Variants in TRIM51G observed in about 807,000 individuals in gnomAD.
TRIM51G encodes tripartite motif-containing protein 51G.
At chr11:48,978,169 A>C in the TRIM51G span, 1 of 532,080 alleles carries the variant, frequency 1.9e-6, no homozygotes, top group Non-Finnish European at 3.9e-6. Context: ...GACTGTAAAA[A>C]AAATAGAAAG....
chr11:48,980,825 T>A, the TRIM51G span: 2 of 426,818 alleles, frequency 4.7e-6, no homozygotes, highest in South Asian at 3.6e-5. Context: ...ACATTATGGG[T>A]TGAGATCAAG....
the TRIM51G span, chr11:48,978,795 G>T: frequency 1.4e-6 from 1 of 698,388 alleles, no homozygotes; most frequent in South Asian, 1.6e-5. Context: ...TAAAGGGGGA[G>T]ACGGATTTCA....
At chr11:48,975,883 G>C in the TRIM51G span, 1 of 840,850 alleles carries the variant, frequency 1.2e-6, no homozygotes, top group Non-Finnish European at 2.0e-6. Context: ...AAAACATTCA[G>C]ATTTATCAGT....
chr11:48,980,838 C>T, the TRIM51G span: 27 of 437,586 alleles, frequency 6.2e-5, no homozygotes, highest in Middle Eastern at 3.5e-4. Flanking sequence ...AGATCAAGTT[C>T]CTATTTTAAG....
At chr11:48,983,677 C>G in the TRIM51G span, among the ~76,000 whole-genome samples, 1 of 151,644 alleles carries the variant, frequency 6.6e-6, no homozygotes, top group African/African-American at 2.4e-5. Flanking sequence ...ATATTTTTAT[C>G]ACTGTAATTT....
At chr11:48,975,716 CAAG>C in the TRIM51G span, 1 of 1,550,016 alleles carries the variant, frequency 6.5e-7, no homozygotes. Context: ...TTAACACATC[CAAG>C]AAGAAAGAGT....
the TRIM51G span, chr11:48,978,928 C>A: frequency 2.5e-6 from 4 of 1,587,098 alleles, no homozygotes; most frequent in African/African-American, 5.4e-5. Flanking sequence ...TCATACATTC[C>A]TCTTAAAAGC....
chr11:48,981,348 G>A, the TRIM51G span: 2 of 1,607,388 alleles, frequency 1.2e-6, no homozygotes, highest in South Asian at 1.1e-5. Flanking sequence ...CCTGAGAGTT[G>A]GAGCACAGCA....
the TRIM51G span, chr11:48,981,366 C>A: frequency 6.2e-7 from 1 of 1,607,586 alleles, no homozygotes; most frequent in Non-Finnish European, 8.5e-7. Flanking sequence ...GCAAACAGAG[C>A]AGGCTCTTGT....
At chr11:48,981,500 T>C in the TRIM51G span, 1 of 1,606,232 alleles carries the variant, frequency 6.2e-7, no homozygotes, top group South Asian at 1.1e-5. Flanking sequence ...CAAATGTTAG[T>C]TTTGAGGTTT....
At chr11:48,978,572 T>C in the TRIM51G span, among the ~76,000 whole-genome samples, 3 of 152,310 alleles carry the variant, frequency 2.0e-5, no homozygotes, top group African/African-American at 4.8e-5. Flanking sequence ...CTTCTCATTT[T>C]ATCTACTTTC....
the TRIM51G span, chr11:48,978,823 C>T: frequency 3.6e-6 from 3 of 837,052 alleles, no homozygotes; most frequent in Non-Finnish European, 6.2e-6. Flanking sequence ...GGTAAAACAC[C>T]CATCCACTTG....
At chr11:48,979,552 G>A in the TRIM51G span, among the ~76,000 whole-genome samples, 2 of 151,956 alleles carry the variant, frequency 1.3e-5, no homozygotes, top group Non-Finnish European at 2.9e-5. Flanking sequence ...TTCTAAAAAG[G>A]TTTCATTTAT....
chr11:48,976,777 T>C, the TRIM51G span, among the ~76,000 whole-genome samples: 1 of 152,140 alleles, frequency 6.6e-6, no homozygotes, highest in African/African-American at 2.4e-5. Flanking sequence ...TATGTAACCT[T>C]GGATTATTAA....
At chr11:48,983,033 C>T in the TRIM51G span, among the ~76,000 whole-genome samples, 1 of 91,762 alleles carries the variant, frequency 1.1e-5, no homozygotes, top group African/African-American at 4.1e-5. Flanking sequence ...GAACCCTGAC[C>T]AATACAAACT....
chr11:48,975,844 G>T, the TRIM51G span: 3 of 1,240,310 alleles, frequency 2.4e-6, no homozygotes, highest in Middle Eastern at 1.9e-4. Context: ...AAATTTGCCA[G>T]ATATGAAAAA....
the TRIM51G span, among the ~76,000 whole-genome samples, chr11:48,979,831 C>A: frequency 6.8e-6 from 1 of 146,410 alleles, no homozygotes; most frequent in Non-Finnish European, 1.5e-5. Context: ...TATACACTGA[C>A]ACCCAGATAC....
chr11:48,977,472 A>G, the TRIM51G span, among the ~76,000 whole-genome samples: 31 of 152,238 alleles, frequency 2.0e-4, no homozygotes, highest in Admixed American at 6.5e-4. Context: ...GAAATTCTGG[A>G]TTCCAGACCT....
chr11:48,975,713 A>T, the TRIM51G span: 1 of 1,548,414 alleles, frequency 6.5e-7, no homozygotes. Context: ...TCCTTAACAC[A>T]TCCAAGAAGA....
Sources: allele counts gnomAD v4.1 joint callset (sites outside exome capture counted in the v4.1 genomes callset), GRCh38; gene constraint gnomAD v4.1.1; transcripts MANE v1.5; gene names NCBI Gene and HGNC (gene_info 2026-07-23, HGNC 2026-07-21).